RGS7: variants seen among roughly 807,000 people sequenced by gnomAD.
The protein encoded by RGS7 is regulator of G-protein signaling 7.
A neutral mutation model predicts 81.1 loss-of-function variants in RGS7; 27 were observed. That is an observed-to-expected ratio of 0.33 (90% CI 0.25 to 0.46). The LOEUF (loss-of-function observed/expected upper bound fraction) is 0.46. Among genes scored for constraint, RGS7 ranks in the 20% least tolerant of loss-of-function variants. The pLI is 1.00. For missense variants in RGS7, 396 were observed against 607.4 expected (o/e 0.65, Z 3.66); for synonymous variants, 208 against 207.7 (o/e 1.00, Z -0.01).
At chr1:241,190,027 T>A (rs182331303) in intron 2 of RGS7, among the ~76,000 whole-genome samples, 1 of 151,776 alleles carries the variant, frequency 6.6e-6, no homozygotes, top group Non-Finnish European at 1.5e-5. Flanking sequence ...GGCGTGAACC[T>A]GGGAGGCGGA....
rs2068424502 is a variant in RGS7 at position 241,147,780 on chromosome 1, T to TATATATATATATA, written c.79-49019_79-49018insTATATATATATAT. Reference sequence around the variant, plus strand: ...TTAAATATCCCATCTAGATTAAGTTTTATATATATATATATATATATATAT... The same window carrying TATATATATATATA: ...TTAAATATCCCATCTAGATTAAGTTTATATATATATATATATATATATATATATATATATATAT... On this transcript the variant is annotated intron_variant, in intron 2 of 18. Transcript: ENST00000440928. Among the ~76,000 whole-genome samples, 46 of 44,646 alleles carry TATATATATATATA rather than the reference T, an allele frequency of 1.0e-3. 4 individuals are homozygous for TATATATATATATA. The highest frequency in any genetic ancestry group is 2.8e-3 in the African/African-American group (43 of 15,414). 29.3% of individuals were successfully genotyped at this position (44,646 alleles called of 152,430 possible).
intron 6 of RGS7, 148 bp downstream of exon 6, chr1:240,930,569 G>A: frequency 1.3e-6 from 1 of 791,418 alleles, no homozygotes; most frequent in Non-Finnish European, 2.2e-6. Context: ...TCCAAACAAA[G>A]CCGCTTATCA....
At chr1:240,950,061 G>C (rs1316885131) in intron 4 of RGS7, among the ~76,000 whole-genome samples, 2 of 152,100 alleles carry the variant, frequency 1.3e-5, no homozygotes, top group African/African-American at 4.8e-5. Context: ...ACATGACCAA[G>C]ATCTACTTAC....
chr1:241,168,738 C>T (rs897654835), intron 2 of RGS7, among the ~76,000 whole-genome samples: 6 of 151,918 alleles, frequency 3.9e-5, no homozygotes, highest in Non-Finnish European at 8.8e-5. Context: ...CTCTCTCTCC[C>T]CCCACCTCCC....
chr1:241,256,926 T>TACACACACAC (rs10552436), intron 2 of RGS7, among the ~76,000 whole-genome samples: 11 of 146,254 alleles, frequency 7.5e-5, no homozygotes, highest in South Asian at 2.2e-4. Context: ...CCACTAGAAA[T>TACACACACAC]ACACACACAC....
chr1:240,813,492 G>C, intron 13 of RGS7, 126 bp downstream of exon 13: 1 of 702,886 alleles, frequency 1.4e-6, no homozygotes, highest in Non-Finnish European at 2.6e-6. Flanking sequence ...AAGAATGTTA[G>C]ATATAGGCCA....
At chr1:240,844,784 G>T (rs1265355933) in intron 9 of RGS7, among the ~76,000 whole-genome samples, 3 of 152,152 alleles carry the variant, frequency 2.0e-5, no homozygotes, top group East Asian at 3.8e-4. Context: ...GAGCACAAAA[G>T]AAATATTTAA....
chr1:241,001,632 G>C (rs578243800), intron 3 of RGS7, among the ~76,000 whole-genome samples: 1 of 152,302 alleles, frequency 6.6e-6, no homozygotes, highest in East Asian at 1.9e-4. Flanking sequence ...CAAGCCATGA[G>C]GAGTCATGGC....
intron 2 of RGS7, among the ~76,000 whole-genome samples, chr1:241,236,419 C>T (rs372195208): frequency 1.1e-4 from 17 of 152,252 alleles, no homozygotes; most frequent in Admixed American, 3.3e-4. Flanking sequence ...AAATCTTCCA[C>T]GGATGCTAAT....
intron 3 of RGS7, among the ~76,000 whole-genome samples, chr1:241,047,067 G>A (rs1447009963): frequency 6.6e-6 from 1 of 152,128 alleles, no homozygotes; most frequent in Non-Finnish European, 1.5e-5. Context: ...TCTAATTGCA[G>A]GGGGCTGTAG....
chr1:241,295,661 C>T (rs1386112590), intron 2 of RGS7, among the ~76,000 whole-genome samples: 1 of 152,102 alleles, frequency 6.6e-6, no homozygotes, highest in Non-Finnish European at 1.5e-5. Context: ...CAGAGATTTT[C>T]TTCTGTCTGT....
At chr1:240,835,511 C>T (rs1271043765) in intron 9 of RGS7, among the ~76,000 whole-genome samples, 2 of 152,134 alleles carry the variant, frequency 1.3e-5, no homozygotes, top group African/African-American at 4.8e-5. Context: ...ATGGTTCAGC[C>T]ACTTTGCAAG....
intron 2 of RGS7, among the ~76,000 whole-genome samples, chr1:241,295,933 G>C (rs1380136550): frequency 1.3e-5 from 2 of 152,204 alleles, no homozygotes; most frequent in African/African-American, 4.8e-5. Flanking sequence ...GGCTTTGAAG[G>C]CTAGATTCTG....
At chr1:240,986,119 G>A (rs1685630220) in intron 3 of RGS7, among the ~76,000 whole-genome samples, 1 of 152,058 alleles carries the variant, frequency 6.6e-6, no homozygotes. Flanking sequence ...TTTCACTGTA[G>A]CCTATGGAAA....
chr1:241,077,635 GCT>G (rs1329251842), intron 3 of RGS7, among the ~76,000 whole-genome samples: 3 of 152,194 alleles, frequency 2.0e-5, no homozygotes, highest in African/African-American at 7.2e-5. Flanking sequence ...TCCAGCGATT[GCT>G]CTCTGTTTCT....
intron 5 of RGS7, among the ~76,000 whole-genome samples, chr1:240,932,573 G>GGA (rs1675662548): frequency 6.9e-6 from 1 of 145,216 alleles, no homozygotes; most frequent in Admixed American, 7.0e-5. Flanking sequence ...CAGTGGTGCG[G>GGA]TCTCAGCTCG....
At chr1:240,846,387 C>A (rs530895743) in intron 9 of RGS7, among the ~76,000 whole-genome samples, 1 of 152,120 alleles carries the variant, frequency 6.6e-6, no homozygotes, top group South Asian at 2.1e-4. Context: ...AGAACTCATG[C>A]GCCACAGCTG....
chr1:241,320,671 G>C (rs904590847), intron 2 of RGS7, among the ~76,000 whole-genome samples: 3 of 152,156 alleles, frequency 2.0e-5, no homozygotes, highest in African/African-American at 7.2e-5. Context: ...GCCAGGTTTG[G>C]TGTTAGGCAC....
intron 4 of RGS7, among the ~76,000 whole-genome samples, chr1:240,960,686 T>A (rs1049544882): frequency 6.6e-5 from 10 of 151,966 alleles, no homozygotes; most frequent in Non-Finnish European, 1.3e-4. Context: ...AGACATTCCT[T>A]AACCTATGTA....
Sources: gnomAD v4.1 joint callset for allele counts (sites outside exome capture counted in the v4.1 genomes callset) on GRCh38, gnomAD v4.1.1 for gene constraint, MANE v1.5 for transcripts, NCBI Gene and HGNC (gene_info 2026-07-23, HGNC 2026-07-21) for gene names.